Variants in TEX14 observed in about 807,000 individuals in gnomAD.
TEX14 encodes the protein testis expressed 14, intercellular bridge forming factor, also known as inactive serine/threonine-protein kinase TEX14.
In TEX14, 168 loss-of-function variants were observed where a neutral mutation model predicts 178.6. That is an observed-to-expected ratio of 0.94 (90% CI 0.83 to 1.07). The LOEUF is 1.07. TEX14 is among the 50% of genes least tolerant of loss of function. The probability of loss-of-function intolerance (pLI) is 0.00; values close to 1 mark genes in which losing one functional copy is unlikely to be tolerated. For missense variants in TEX14, 1,730 were observed against 1,753.6 expected, an observed-to-expected ratio of 0.99 and a Z score of 0.24; for synonymous variants, 626 against 634.1, an observed-to-expected ratio of 0.99 and a Z score of 0.19.
At chr17:58,615,419 A>G in intron 7 of TEX14, 74 bp from the exon 8 acceptor site, 1 of 931,328 alleles carries the variant, frequency 1.1e-6, no homozygotes, top group Non-Finnish European at 1.8e-6. Flanking sequence ...AAGCTTTCCT[A>G]AGCAAGGACC....
chr17:58,623,034 A>C (rs1218661298), intron 3 of TEX14, 22 bp from the exon 4 acceptor site: 1 of 1,576,628 alleles, frequency 6.3e-7, no homozygotes, highest in Non-Finnish European at 8.7e-7. Flanking sequence ...GATGAGTACA[A>C]TTGATGTCCA....
At chr17:58,666,833 G>T (rs532973446) in intron 1 of TEX14, 1 of 152,260 alleles carries the variant, frequency 6.6e-6, no homozygotes, top group African/African-American at 2.4e-5. Context: ...ACTATATCTT[G>T]GTGTTGGTAA....
At chr17:58,606,539 T>C (rs888617529) in intron 10 of TEX14, among the ~76,000 whole-genome samples, 5 of 152,264 alleles carry the variant, frequency 3.3e-5, no homozygotes, top group Admixed American at 2.6e-4. Context: ...CATGAAGTCA[T>C]GAAGGTGAAA....
intron 1 of TEX14, among the ~76,000 whole-genome samples, chr17:58,678,853 T>TAATAAA (rs986061483): frequency 5.4e-5 from 8 of 146,798 alleles, no homozygotes; most frequent in South Asian, 4.3e-4. Context: ...ATAATAATAA[T>TAATAAA]AAAAGAGAAG....
At chr17:58,638,750 G>A (rs2046498746) in intron 2 of TEX14, among the ~76,000 whole-genome samples, 1 of 152,066 alleles carries the variant, frequency 6.6e-6, no homozygotes, top group Non-Finnish European at 1.5e-5. Flanking sequence ...ATGTTGGTCA[G>A]GCTGGTCTTG....
At chr17:58,604,331 C>T (rs1238574376) in intron 11 of TEX14, among the ~76,000 whole-genome samples, 1 of 150,850 alleles carries the variant, frequency 6.6e-6, no homozygotes, top group East Asian at 2.0e-4. Flanking sequence ...ATCAGTTGGG[C>T]GTGGTGGTGT....
chr17:58,607,731 A>C (rs1263091212), intron 10 of TEX14, among the ~76,000 whole-genome samples: 1 of 152,246 alleles, frequency 6.6e-6, no homozygotes, highest in African/African-American at 2.4e-5. Flanking sequence ...ACAAAAGTGC[A>C]CACCCTTTAG....
At chr17:58,621,617 A>G (rs1321765375) in intron 5 of TEX14, 33 bp downstream of exon 5, 3 of 1,578,644 alleles carry the variant, frequency 1.9e-6, no homozygotes, top group Non-Finnish European at 2.6e-6. Context: ...TGGGTGATGG[A>G]GACTATCCCA....
At chr17:58,667,891 T>TAA (rs1205836185) in intron 1 of TEX14, among the ~76,000 whole-genome samples, 12 of 102,794 alleles carry the variant, frequency 1.2e-4, no homozygotes, top group Admixed American at 2.1e-4. Flanking sequence ...AGACTCTGGC[T>TAA]AAAAAAAAAA....
chr17:58,612,486 G>A (rs1279584166), intron 9 of TEX14, among the ~76,000 whole-genome samples: 1 of 152,092 alleles, frequency 6.6e-6, no homozygotes, highest in Non-Finnish European at 1.5e-5. Flanking sequence ...TGAAATCCCA[G>A]CACTTTAGGA....
At chr17:58,668,505 G>A (rs1280554936) in intron 1 of TEX14, among the ~76,000 whole-genome samples, 2 of 152,170 alleles carry the variant, frequency 1.3e-5, no homozygotes, top group African/African-American at 4.8e-5. Flanking sequence ...TGAAGGCTCA[G>A]GGTGCTCCCA....
chr17:58,678,284 A>C (rs1218826891), intron 1 of TEX14, among the ~76,000 whole-genome samples: 1 of 152,230 alleles, frequency 6.6e-6, no homozygotes, highest in Non-Finnish European at 1.5e-5. Context: ...TCAAGGATCT[A>C]GAACTAGAAA....
chr17:58,574,538 T>C (rs990641529), intron 21 of TEX14, among the ~76,000 whole-genome samples: 3 of 151,904 alleles, frequency 2.0e-5, no homozygotes, highest in African/African-American at 7.3e-5. Flanking sequence ...TAGCTGGGCT[T>C]GGTAGCACGT....
At chr17:58,654,505 CTTT>C (rs1267652949) in intron 1 of TEX14, among the ~76,000 whole-genome samples, 3 of 135,350 alleles carry the variant, frequency 2.2e-5, no homozygotes, top group Admixed American at 7.5e-5. Flanking sequence ...CAACTTGTAA[CTTT>C]TTTTTTTTTT....
At chr17:58,680,507 C>T (rs1426042879) in intron 1 of TEX14, among the ~76,000 whole-genome samples, 1 of 152,082 alleles carries the variant, frequency 6.6e-6, no homozygotes, top group Non-Finnish European at 1.5e-5. Context: ...TTTGGGAGGC[C>T]AATGCGGGCA....
At chr17:58,637,345 T>C (rs981435642) in intron 2 of TEX14, among the ~76,000 whole-genome samples, 4 of 152,256 alleles carry the variant, frequency 2.6e-5, no homozygotes, top group African/African-American at 9.6e-5. Context: ...TTTTGTATGC[T>C]GATGCTGACT....
intron 10 of TEX14, among the ~76,000 whole-genome samples, chr17:58,606,127 C>T (rs1303930396): frequency 6.6e-6 from 1 of 152,162 alleles, no homozygotes; most frequent in Non-Finnish European, 1.5e-5. Context: ...CACTCATATG[C>T]TTAAATAACT....
chr17:58,602,205 G>A (rs1039143667), intron 12 of TEX14, among the ~76,000 whole-genome samples, 195 bp downstream of exon 12: 7 of 152,128 alleles, frequency 4.6e-5, no homozygotes, highest in Non-Finnish European at 7.3e-5. Flanking sequence ...AACCTCCCTA[G>A]CTCCCCTCCT....
intron 19 of TEX14, among the ~76,000 whole-genome samples, chr17:58,580,620 T>A (rs1170856587): frequency 6.6e-6 from 1 of 152,302 alleles, no homozygotes; most frequent in East Asian, 1.9e-4. Context: ...TGAAATTACA[T>A]CTTTGATGCA....
Sources: allele counts gnomAD v4.1 joint callset (sites outside exome capture counted in the v4.1 genomes callset), GRCh38; gene constraint gnomAD v4.1.1; transcripts MANE v1.5; gene names NCBI Gene and HGNC (gene_info 2026-07-23, HGNC 2026-07-21).